RAP1GDS1: variants seen among roughly 807,000 people sequenced by gnomAD.
The protein encoded by RAP1GDS1 is Rap1 GTPase-GDP dissociation stimulator 1, also known as RAP1, GTP-GDP dissociation stimulator 1.
Under a neutral mutation model 71.1 loss-of-function variants are expected in RAP1GDS1, and 35 were observed. That is an observed-to-expected ratio of 0.49 (90% confidence interval 0.38 to 0.65). The LOEUF is 0.65. Ranked by LOEUF, RAP1GDS1 falls within the 30% of genes least tolerant of loss-of-function variation. The pLI is 0.00. For synonymous variants in RAP1GDS1, 229 were observed against 243.1 expected, an observed-to-expected ratio of 0.94 and a Z score of 0.54; for missense variants, 663 against 706.1, an observed-to-expected ratio of 0.94 and a Z score of 0.69.
intron 1 of RAP1GDS1, among the ~76,000 whole-genome samples, chr4:98,272,997 G>A (rs986293783): frequency 2.0e-5 from 3 of 152,120 alleles, no homozygotes; most frequent in Admixed American, 6.6e-5. Flanking sequence ...GAGAATGGTC[G>A]ACATTGAGTT....
intron 7 of RAP1GDS1, among the ~76,000 whole-genome samples, chr4:98,415,445 T>C (rs13146898): frequency 0.016 from 2,403 of 152,282 alleles, 32 homozygotes; most frequent in Non-Finnish European, 0.025. Context: ...ATGAGTATTA[T>C]TTGGGAACTG....
chr4:98,416,080 C>T (rs191183946), intron 7 of RAP1GDS1, among the ~76,000 whole-genome samples: 1 of 152,124 alleles, frequency 6.6e-6, no homozygotes, highest in Non-Finnish European at 1.5e-5. Context: ...CCATGCCCAG[C>T]CCTATTTTAT....
At chr4:98,340,173 A>G (rs1289061236) in intron 2 of RAP1GDS1, among the ~76,000 whole-genome samples, 2 of 152,250 alleles carry the variant, frequency 1.3e-5, no homozygotes, top group Non-Finnish European at 2.9e-5. Context: ...CAATTGTATT[A>G]TTGGTCATGT....
In RAP1GDS1 at chr4:98,387,423, ATCT is replaced by A. The variant is rs757886413; in HGVS notation, c.509-4525_509-4523del. 9.3e-4 allele frequency: 424 copies of A among 455,936 alleles called. 1 individual carries two copies. The highest frequency in any genetic ancestry group is 9.8e-4 in the Non-Finnish European group (222 of 226,704). 28.2% of individuals were successfully genotyped at this position (455,936 alleles called of 1,614,324 possible). ...GGGGGAAAAGGTTCCTCAACTTGAG[ATCT>A]TCTCTCCAGATCTCCATTCTTTGGA... On this transcript the variant is annotated intron_variant, in intron 5 of 14. Transcript: ENST00000408927.
chr4:98,371,832 G>A (rs1336407485), intron 4 of RAP1GDS1, among the ~76,000 whole-genome samples: 5 of 152,006 alleles, frequency 3.3e-5, no homozygotes, highest in African/African-American at 1.2e-4. Context: ...GTGTTTGCAT[G>A]GTATATCTTT....
chr4:98,391,117 T>G (rs553591023), intron 5 of RAP1GDS1, among the ~76,000 whole-genome samples: 1 of 152,286 alleles, frequency 6.6e-6, no homozygotes, highest in South Asian at 2.1e-4. Context: ...GCAGTACTTT[T>G]GGTGTTCATT....
chr4:98,323,605 AG>A (rs1296194960), intron 2 of RAP1GDS1, among the ~76,000 whole-genome samples: 3 of 132,466 alleles, frequency 2.3e-5, no homozygotes, highest in Non-Finnish European at 4.7e-5. Context: ...CTGGGATGCA[AG>A]GCTGGTTCAA....
intron 5 of RAP1GDS1, among the ~76,000 whole-genome samples, chr4:98,381,229 G>C (rs1045292585): frequency 1.3e-5 from 2 of 151,410 alleles, no homozygotes; most frequent in Non-Finnish European, 3.0e-5. Context: ...AAAAGCTGCA[G>C]TTTGCAGCTT....
chr4:98,387,649 C>T (rs770259612), intron 5 of RAP1GDS1: 39 of 319,386 alleles, frequency 1.2e-4, no homozygotes, highest in South Asian at 7.3e-4. Flanking sequence ...TATGTAATTT[C>T]GTAAATCTGT....
chr4:98,326,691 C>G (rs779978860), intron 2 of RAP1GDS1, among the ~76,000 whole-genome samples: 15 of 152,122 alleles, frequency 9.9e-5, no homozygotes, highest in Non-Finnish European at 2.1e-4. Context: ...GCTTCACAAC[C>G]CTTCTCCTTT....
At chr4:98,288,205 C>T (rs1726328640) in intron 1 of RAP1GDS1, among the ~76,000 whole-genome samples, 1 of 152,094 alleles carries the variant, frequency 6.6e-6, no homozygotes, top group South Asian at 2.1e-4. Context: ...CAACAGGCCC[C>T]AGTGTGTGAT....
At chr4:98,356,613 C>G (rs918477611) in intron 4 of RAP1GDS1, among the ~76,000 whole-genome samples, 4 of 151,814 alleles carry the variant, frequency 2.6e-5, no homozygotes, top group Admixed American at 1.3e-4. Context: ...GAATAATGTA[C>G]AAATCAAATA....
chr4:98,376,499 A>G (rs1396848944), intron 4 of RAP1GDS1, among the ~76,000 whole-genome samples: 1 of 152,088 alleles, frequency 6.6e-6, no homozygotes, highest in African/African-American at 2.4e-5. Context: ...GTCAGTTGTA[A>G]GATACTTCTA....
intron 2 of RAP1GDS1, among the ~76,000 whole-genome samples, chr4:98,321,866 G>T (rs1053784987): frequency 1.1e-5 from 1 of 94,924 alleles, no homozygotes; most frequent in African/African-American, 4.3e-5. Flanking sequence ...ATCAACTAAC[G>T]AGCAAAATCA....
Position 98,379,081 on chromosome 4 carries a change from A to T in RAP1GDS1, c.426A>T (p.Ser142=). 1 of 1,610,866 alleles carries T rather than the reference A, an allele frequency of 6.2e-7. No individual in the cohort carries two copies. Among genetic ancestry groups the T allele is most frequent in the East Asian group, 2.2e-5 (1 of 44,748 alleles). The change falls in exon 5 of 15, where the codon TCA becomes TCT. Residue 142 remains serine, a synonymous_variant. Transcript: ENST00000408927. ...AGATTGTAATTGACCATTTAAGGTC[A>T]CTGTGCAGTATAACAGATCCCGCCA... ...GAQIVIDHLR[S]LCSITDPANE... is the part of the protein sequence containing the mutation.
chr4:98,324,980 A>C (rs1488339056), intron 2 of RAP1GDS1, among the ~76,000 whole-genome samples: 3 of 151,070 alleles, frequency 2.0e-5, no homozygotes, highest in Admixed American at 2.0e-4. Context: ...CAGAGTGAAC[A>C]GGCAACCTAC....
intron 2 of RAP1GDS1, among the ~76,000 whole-genome samples, chr4:98,317,774 G>A (rs535858055): frequency 5.3e-5 from 8 of 151,646 alleles, no homozygotes; most frequent in Admixed American, 2.0e-4. Flanking sequence ...GTTAACAGAC[G>A]CGATGCTCTA....
At chr4:98,361,243 G>A (rs1738705778) in intron 4 of RAP1GDS1, among the ~76,000 whole-genome samples, 1 of 151,412 alleles carries the variant, frequency 6.6e-6, no homozygotes, top group East Asian at 1.9e-4. Flanking sequence ...ATATAGTCTA[G>A]CATAATTTAA....
At chr4:98,277,879 T>C (rs957941678) in intron 1 of RAP1GDS1, among the ~76,000 whole-genome samples, 2 of 152,238 alleles carry the variant, frequency 1.3e-5, no homozygotes, top group Non-Finnish European at 2.9e-5. Flanking sequence ...TGGATTTTGT[T>C]AAGGAGATTT....
Sources: gnomAD v4.1 joint callset for allele counts (sites outside exome capture counted in the v4.1 genomes callset) on GRCh38, gnomAD v4.1.1 for gene constraint, MANE v1.5 for transcripts, NCBI Gene and HGNC (gene_info 2026-07-23, HGNC 2026-07-21) for gene names.